The following STUM variants were observed in gnomAD, a reference collection of about 807,000 sequenced individuals.
The protein encoded by STUM is stum, mechanosensory transduction mediator homolog.
STUM carries 8 observed loss-of-function variants against 15.3 expected under a neutral mutation model. That is an observed-to-expected ratio of 0.52 (90% CI 0.31 to 0.94). The LOEUF (loss-of-function observed/expected upper bound fraction) is 0.94, where lower values mean the gene tolerates loss of function less well. Ranked by LOEUF, STUM falls within the 40% of genes least tolerant of loss-of-function variation. The pLI is 0.05. For synonymous variants in STUM, 78 were observed against 88.7 expected (o/e 0.88, Z 0.68); for missense variants, 142 against 204.9 (o/e 0.69, Z 1.87).
chr1:226,560,242 C>T (rs897759456), intron 1 of STUM, among the ~76,000 whole-genome samples: 1 of 152,212 alleles, frequency 6.6e-6, no homozygotes, highest in Admixed American at 6.5e-5. Flanking sequence ...GGCTTCCAAC[C>T]TCACTACTTG....
chr1:226,556,537 A>G (rs1667448861), intron 1 of STUM, among the ~76,000 whole-genome samples: 1 of 152,200 alleles, frequency 6.6e-6, no homozygotes, highest in South Asian at 2.1e-4. Context: ...AATGACCTGG[A>G]TGGTCTAAAT....
intron 1 of STUM, among the ~76,000 whole-genome samples, chr1:226,573,708 C>T (rs531855873): frequency 2.0e-5 from 3 of 152,078 alleles, no homozygotes; most frequent in Non-Finnish European, 2.9e-5. Context: ...TTTTGATATA[C>T]GTAGTGAAAT....
chr1:226,567,009 A>G lies in STUM; in HGVS notation c.202+17903A>G, dbSNP rs1430576539. 1.3e-5 allele frequency among the ~76,000 whole-genome samples: 2 copies of G among 152,258 alleles called. No homozygotes were observed. Among genetic ancestry groups the G allele is most frequent in the Non-Finnish European group, 2.9e-5 (2 of 68,048 alleles). ...ATTGCTGCTTCCCGCAAATGCTGCA[A>G]ATAAGATTCCAAGAATCCATGTTAG... On this transcript the variant is annotated intron_variant, in intron 1 of 3. Coordinates refer to ENST00000366788, the MANE Select transcript of STUM (RefSeq NM_001003665.4). The surrounding 1 kb of genome is among the most constrained non-coding windows in gnomAD (Gnocchi z 4.5).
rs191976287 is a variant in STUM, at chr1:226,570,968, C to T, written c.202+21862C>T. Among the ~76,000 whole-genome samples the T allele has an allele frequency of 2.0e-3, 298 of 152,292 alleles. 1 individual carries two copies. Among genetic ancestry groups the T allele is most frequent in the African/African-American group, 2.6e-3 (109 of 41,544 alleles). ...TTTGTAGGCCAGGCACTGTGGCTCA[C>T]ACCTATAATCTCAGCACTTTTGGAG... On this transcript the variant is annotated intron_variant, in intron 1 of 3. Coordinates refer to ENST00000366788, the MANE Select transcript of STUM (RefSeq NM_001003665.4).
At chr1:226,589,719 C>CCAGGAACAGCATGTG (rs1553311961) in intron 1 of STUM, among the ~76,000 whole-genome samples, 1 of 151,276 alleles carries the variant, frequency 6.6e-6, no homozygotes, top group Admixed American at 6.6e-5. Flanking sequence ...GCTGGGACCT[C>CCAGGAACAGCATGTG]CAGGAACAGC....
At chr1:226,589,044 T>C (rs1416042009) in intron 1 of STUM, among the ~76,000 whole-genome samples, 1 of 152,200 alleles carries the variant, frequency 6.6e-6, no homozygotes, top group African/African-American at 2.4e-5. Context: ...AGGTGACATC[T>C]GGGATCAAAC....
chr1:226,593,020 G>A (rs1207032151), intron 1 of STUM, among the ~76,000 whole-genome samples: 6 of 152,010 alleles, frequency 3.9e-5, no homozygotes, highest in East Asian at 1.9e-4. Context: ...ACCCCGTCTC[G>A]ACTAAAAATA....
At chr1:226,595,311 A>T (rs1230294072) in intron 1 of STUM, among the ~76,000 whole-genome samples, 1 of 152,042 alleles carries the variant, frequency 6.6e-6, no homozygotes, top group African/African-American at 2.4e-5. Context: ...TAGGCCCCCG[A>T]CCAATTGGAT....
chr1:226,568,491 A>G (rs1263109525), intron 1 of STUM, among the ~76,000 whole-genome samples: 1 of 152,230 alleles, frequency 6.6e-6, no homozygotes, highest in Non-Finnish European at 1.5e-5. Context: ...TGGAACCAGA[A>G]CGCTGCCTGC....
At chr1:226,589,865 G>A (rs1453190487) in intron 1 of STUM, among the ~76,000 whole-genome samples, 9 of 152,118 alleles carry the variant, frequency 5.9e-5, no homozygotes, top group East Asian at 1.9e-4. Flanking sequence ...ATGAGGTTGC[G>A]TGATTTTCTC....
chr1:226,585,556 T>G (rs1403299890), intron 1 of STUM, among the ~76,000 whole-genome samples: 1 of 152,238 alleles, frequency 6.6e-6, no homozygotes, highest in African/African-American at 2.4e-5. Context: ...TTATCTGTGA[T>G]GCAGTTGGGA....
In STUM at chr1:226,600,489, C is replaced by T; in HGVS notation, c.383-177C>T. On this transcript the variant is annotated intron_variant, in intron 2 of 3. Coordinates refer to ENST00000366788, the MANE Select transcript of STUM (RefSeq NM_001003665.4). The surrounding 1 kb of genome is among the most constrained non-coding windows in gnomAD (Gnocchi z 5.2). ...ACCATGAGTACTGAGCACTCCCTGC[C>T]TGGGGATGGCGTCTGAGAAGCCACT... 1.4e-6 allele frequency: 1 copy of T among 710,492 alleles called. No individual in the cohort carries two copies. Among genetic ancestry groups the T allele is most frequent in the Non-Finnish European group, 2.4e-6 (1 of 412,526 alleles). 44.0% of individuals were successfully genotyped at this position (710,492 alleles called of 1,614,324 possible). A position where few individuals can be genotyped will look rare whatever the true frequency, so the allele number is the denominator to read the frequency against.
chr1:226,591,422 C>G (rs535829955), intron 1 of STUM, among the ~76,000 whole-genome samples: 3 of 152,224 alleles, frequency 2.0e-5, no homozygotes, highest in Non-Finnish European at 4.4e-5. Flanking sequence ...CCCTCTGACA[C>G]CACACACATG....
At chr1:226,550,432 C>T (rs1667356435) in intron 1 of STUM, among the ~76,000 whole-genome samples, 1 of 152,126 alleles carries the variant, frequency 6.6e-6, no homozygotes, top group African/African-American at 2.4e-5. Flanking sequence ...TGGCTGGTGT[C>T]ATCAGATCAG....
At chr1:226,572,318 C>T (rs894645265) in intron 1 of STUM, among the ~76,000 whole-genome samples, 4 of 152,166 alleles carry the variant, frequency 2.6e-5, no homozygotes, top group Admixed American at 2.0e-4. Flanking sequence ...TTTCTAATAC[C>T]TACTACATTC....
chr1:226,594,356 G>C (rs1002857784), intron 1 of STUM, among the ~76,000 whole-genome samples: 1 of 152,218 alleles, frequency 6.6e-6, no homozygotes, highest in Non-Finnish European at 1.5e-5. Context: ...AGAGTGGGAG[G>C]CAAAATAAAA....
At chr1:226,561,417 T>G (rs1417519164) in intron 1 of STUM, among the ~76,000 whole-genome samples, 1 of 152,064 alleles carries the variant, frequency 6.6e-6, no homozygotes, top group African/African-American at 2.4e-5. Flanking sequence ...AGCTCAGAGT[T>G]CTCAGGGCTG....
Position 226,549,168 on chromosome 1 carries a change from G to A in STUM, c.202+62G>A. The A allele has an allele frequency of 6.9e-7, 1 of 1,439,218 alleles. No individual in the cohort carries two copies. The highest frequency in any genetic ancestry group is 9.4e-7 in the Non-Finnish European group (1 of 1,063,520). 89.2% of individuals were successfully genotyped at this position (1,439,218 alleles called of 1,614,324 possible). The stretch of plus-strand genomic sequence containing the variant: ...CCCGCCGCGGGAGGGCGTGGGGGGA[G>A]AGAAGGGCGCGGCCGGAGACCTCCT... On this transcript the variant is annotated intron_variant, in intron 1 of 3. Coordinates refer to ENST00000366788, the MANE Select transcript of STUM (RefSeq NM_001003665.4). This position sits in a 1 kb window ranked among gnomAD's most constrained non-coding sequence, Gnocchi z 6.8.
At chr1:226,550,736 G>C (rs1217728902) in intron 1 of STUM, among the ~76,000 whole-genome samples, 1 of 152,132 alleles carries the variant, frequency 6.6e-6, no homozygotes, top group African/African-American at 2.4e-5. Flanking sequence ...AGCCCCAGGA[G>C]ACAGCAGCTG....
Sources: gnomAD v4.1 joint callset for allele counts (sites outside exome capture counted in the v4.1 genomes callset) on GRCh38, gnomAD v4.1.1 for gene constraint, Gnocchi (gnomAD v3.1) non-coding constraint, MANE v1.5 for transcripts, NCBI Gene and HGNC (gene_info 2026-07-23, HGNC 2026-07-21) for gene names.